Variants in MBD5 observed in about 807,000 individuals in gnomAD.
MBD5 encodes methyl-CpG binding domain protein 5, also known as methyl-CpG-binding domain protein 5.
In MBD5, 13 loss-of-function variants were observed where a neutral mutation model predicts 117.3. The ratio of observed to expected loss-of-function variants is 0.11; its 90% CI spans 0.07 to 0.18. MBD5 has a LOEUF of 0.18. Ranked by LOEUF, MBD5 falls within the 10% of genes least tolerant of loss-of-function variation. The pLI is 1.00. For synonymous variants in MBD5, 727 were observed against 766.4 expected, an observed-to-expected ratio of 0.95 and a Z score of 0.85; for missense variants, 1,879 against 2,093.8, an observed-to-expected ratio of 0.90 and a Z score of 2.00.
chr2:148,380,232 CAATTA>C (rs1274720179), intron 4 of MBD5, among the ~76,000 whole-genome samples: 3 of 151,960 alleles, frequency 2.0e-5, no homozygotes, highest in African/African-American at 7.3e-5. Flanking sequence ...ATATAAAATT[CAATTA>C]AATTAAAGGA....
At position 148,151,842 on chromosome 2, in the gene MBD5, A is replaced by T. The variant is rs1332539431; in HGVS notation, c.-924-26858A>T. 2.0e-5 allele frequency among the ~76,000 whole-genome samples: 3 copies of T among 151,008 alleles called. No homozygotes were observed. In the South Asian group the frequency reaches 6.3e-4, roughly 32 times the overall value. On this transcript the variant is annotated intron_variant, in intron 1 of 13. Coordinates refer to ENST00000642680, the MANE Select transcript of MBD5 (RefSeq NM_001378120.1). ...TTGATTCTTCTCTCTTTCTTTCTTT[A>T]TTCGTCTTGCTAGCGGTCTATCAAT...
chr2:148,098,251 G>C (rs1012997474), intron 1 of MBD5, among the ~76,000 whole-genome samples: 1 of 152,172 alleles, frequency 6.6e-6, no homozygotes, highest in African/African-American at 2.4e-5. Flanking sequence ...GAAACAGATA[G>C]ATTGGAGAGG....
intron 4 of MBD5, among the ~76,000 whole-genome samples, chr2:148,405,844 C>CT (rs1705059488): frequency 6.6e-6 from 1 of 151,996 alleles, no homozygotes; most frequent in African/African-American, 2.4e-5. Context: ...GGTAGCTGGG[C>CT]ATAGTGGCTC....
intron 11 of MBD5, among the ~76,000 whole-genome samples, chr2:148,495,479 C>T (rs1200533101): frequency 6.6e-6 from 1 of 152,120 alleles, no homozygotes; most frequent in African/African-American, 2.4e-5. Context: ...CATTGGTCTT[C>T]ATATATCATT....
chr2:148,080,185 A>G (rs1053997318), intron 1 of MBD5, among the ~76,000 whole-genome samples: 6 of 152,136 alleles, frequency 3.9e-5, no homozygotes, highest in East Asian at 1.9e-4. Context: ...CTTTCCCTCA[A>G]TTACAGCAGG....
intron 5 of MBD5, among the ~76,000 whole-genome samples, chr2:148,460,625 C>T (rs753498668): frequency 1.3e-5 from 2 of 152,206 alleles, no homozygotes; most frequent in Middle Eastern, 3.2e-3. Flanking sequence ...TTTCCACCTA[C>T]TTCCAATCTT....
intron 4 of MBD5, among the ~76,000 whole-genome samples, chr2:148,409,171 G>A (rs927264702): frequency 5.3e-5 from 8 of 151,976 alleles, no homozygotes; most frequent in Admixed American, 3.9e-4. Flanking sequence ...GATCACTTGA[G>A]CCCAGATATT....
chr2:148,170,979 T>C (rs1055879931), intron 1 of MBD5, among the ~76,000 whole-genome samples: 4 of 152,120 alleles, frequency 2.6e-5, no homozygotes, highest in South Asian at 2.1e-4. Context: ...AGTAAGGAGA[T>C]TGAATTAGTA....
chr2:148,074,129 C>T (rs1007559417), intron 1 of MBD5, among the ~76,000 whole-genome samples: 1 of 152,098 alleles, frequency 6.6e-6, no homozygotes, highest in Non-Finnish European at 1.5e-5. Context: ...TCCTCCACTT[C>T]TCTCAGTTAA....
chr2:148,408,860 T>C (rs1179521492), intron 4 of MBD5, among the ~76,000 whole-genome samples: 1 of 151,994 alleles, frequency 6.6e-6, no homozygotes, highest in Non-Finnish European at 1.5e-5. Flanking sequence ...CTGTAAACAA[T>C]GCAGTATAGC....
chr2:148,065,628 C>T (rs1695167467), intron 1 of MBD5, among the ~76,000 whole-genome samples: 1 of 152,168 alleles, frequency 6.6e-6, no homozygotes, highest in African/African-American at 2.4e-5. Context: ...ATATGAGTTG[C>T]TTCAAAGTTG....
chr2:148,436,259 T>C (rs576857765), intron 4 of MBD5, among the ~76,000 whole-genome samples: 71 of 152,360 alleles, frequency 4.7e-4, no homozygotes, highest in Non-Finnish European at 7.8e-4. Flanking sequence ...TCAGGCTCTT[T>C]CTTCTCCCAT....
intron 4 of MBD5, among the ~76,000 whole-genome samples, chr2:148,402,607 A>C (rs1278714997): frequency 1.3e-5 from 2 of 152,198 alleles, no homozygotes; most frequent in Non-Finnish European, 1.5e-5. Flanking sequence ...AATTGTATAT[A>C]AATGAAATAA....
At chr2:148,089,336 A>G (rs988419734) in intron 1 of MBD5, among the ~76,000 whole-genome samples, 38 of 152,072 alleles carry the variant, frequency 2.5e-4, no homozygotes, top group African/African-American at 9.2e-4. Flanking sequence ...TACACCCTAG[A>G]AAAAATGGAC....
intron 11 of MBD5, among the ~76,000 whole-genome samples, chr2:148,495,063 A>G (rs1338523765): frequency 6.6e-6 from 1 of 152,166 alleles, no homozygotes; most frequent in African/African-American, 2.4e-5. Context: ...TGAACCATGA[A>G]CCCTTTACTG....
intron 3 of MBD5, among the ~76,000 whole-genome samples, chr2:148,276,626 T>C (rs1484586987): frequency 1.3e-5 from 2 of 152,218 alleles, no homozygotes; most frequent in Non-Finnish European, 2.9e-5. Context: ...TAATATAGTC[T>C]ATGTTTAAAT....
intron 1 of MBD5, among the ~76,000 whole-genome samples, chr2:148,064,385 G>C (rs1173379600): frequency 6.6e-6 from 1 of 151,612 alleles, no homozygotes; most frequent in African/African-American, 2.4e-5. Context: ...AAAGTGCTGG[G>C]ACCACAGGCG....
At chr2:148,096,194 A>G (rs570718517) in intron 1 of MBD5, among the ~76,000 whole-genome samples, 1 of 152,200 alleles carries the variant, frequency 6.6e-6, no homozygotes, top group East Asian at 1.9e-4. Flanking sequence ...ACAAAGCTGT[A>G]GAATCATACA....
intron 4 of MBD5, among the ~76,000 whole-genome samples, chr2:148,355,874 C>G (rs1703369078): frequency 6.6e-6 from 1 of 152,060 alleles, no homozygotes; most frequent in Non-Finnish European, 1.5e-5. Context: ...CTATAAAGTA[C>G]TTTGCAATAG....
Sources: allele counts gnomAD v4.1 joint callset (sites outside exome capture counted in the v4.1 genomes callset), GRCh38; gene constraint gnomAD v4.1.1; transcripts MANE v1.5; gene names NCBI Gene and HGNC (gene_info 2026-07-23, HGNC 2026-07-21).